The following FYCO1 variants were observed in gnomAD, a reference collection of about 807,000 sequenced individuals.
FYCO1 encodes FYVE and coiled-coil domain autophagy adaptor 1.
FYCO1 carries 122 observed loss-of-function variants against 165.1 expected under a neutral mutation model. That is an observed-to-expected ratio of 0.74 (90% confidence interval 0.64 to 0.86). The LOEUF (loss-of-function observed/expected upper bound fraction) is 0.86, where lower values mean the gene tolerates loss of function less well. Ranked by LOEUF, FYCO1 falls within the 40% of genes least tolerant of loss-of-function variation. FYCO1 has a pLI of 0.00. For synonymous variants in FYCO1, 648 were observed against 742.5 expected (o/e 0.87, Z 2.07); for missense variants, 1,702 against 1,810.3 (o/e 0.94, Z 1.09).
chr3:45,921,746 A>G lies in FYCO1; in HGVS notation c.*19T>C. On this transcript the variant is annotated 3_prime_UTR_variant, in exon 18 of 18. Transcript: ENST00000296137. ...GCAGTGTTTCCTGTGGATGAAGTGA[A>G]GTTACTGAGGTGCTGAAGCTACAGG... is the stretch of plus-strand genomic sequence containing the variant. 1.3e-6 allele frequency: 2 copies of G among 1,521,676 alleles called. No individual in the cohort carries two copies. Among genetic ancestry groups the G allele is most frequent in the Non-Finnish European group, 1.8e-6 (2 of 1,095,504 alleles). The allele number at this position is 1,521,676 out of a possible 1,614,324, so 94.3% of individuals were successfully genotyped here. A position where few individuals can be genotyped will look rare whatever the true frequency, so the allele number is the denominator to read the frequency against.
intron 11 of FYCO1, among the ~76,000 whole-genome samples, chr3:45,960,201 T>C (rs867560611): frequency 6.6e-6 from 1 of 152,194 alleles, no homozygotes; most frequent in South Asian, 2.1e-4. Context: ...CTAATGAGCA[T>C]GTTCAGGCTT....
At chr3:45,928,861 G>A (rs577639351) in intron 16 of FYCO1, among the ~76,000 whole-genome samples, 5 of 152,216 alleles carry the variant, frequency 3.3e-5, no homozygotes, top group African/African-American at 9.6e-5. Flanking sequence ...GCTCCTCAAC[G>A]GGAGATCCCA....
intron 14 of FYCO1, among the ~76,000 whole-genome samples, chr3:45,951,017 T>C (rs958418052): frequency 6.6e-6 from 1 of 152,166 alleles, no homozygotes; most frequent in African/African-American, 2.4e-5. Context: ...CTGAAGCAAT[T>C]ACTGGTAAAG....
At chr3:45,981,954 G>C (rs1559467175) in intron 2 of FYCO1, among the ~76,000 whole-genome samples, 1 of 152,210 alleles carries the variant, frequency 6.6e-6, no homozygotes, top group African/African-American at 2.4e-5. Context: ...GCATATAGTA[G>C]CTGGACAACA....
At chr3:45,927,176 C>T (rs62245106) in intron 16 of FYCO1, among the ~76,000 whole-genome samples, 22,409 of 152,118 alleles carry the variant, frequency 0.15, 2,081 homozygotes, top group East Asian at 0.28. Context: ...GTTTTTAGCT[C>T]ATCAGCTATC....
chr3:45,976,072 G>A (rs895619053), intron 4 of FYCO1, among the ~76,000 whole-genome samples: 2 of 152,174 alleles, frequency 1.3e-5, no homozygotes, highest in East Asian at 1.9e-4. Flanking sequence ...GTGAGACCAG[G>A]GGTGTCTCTA....
At chr3:45,984,814 T>C in intron 2 of FYCO1, 42 bp downstream of exon 2, 1 of 1,608,156 alleles carries the variant, frequency 6.2e-7, no homozygotes. Flanking sequence ...CTGCCACAAG[T>C]CCCTCAAAAC....
chr3:45,964,530 C>T lies in FYCO1; in HGVS notation c.3151-76G>A. 6.3e-7 allele frequency: 1 copy of T among 1,597,226 alleles called. No individual in the cohort carries two copies. The highest frequency in any genetic ancestry group is 1.1e-5 in the South Asian group (1 of 88,932). On this transcript the variant is annotated intron_variant, in intron 9 of 17. Transcript: ENST00000296137. The surrounding 1 kb of genome is among the most constrained non-coding windows in gnomAD (Gnocchi z 4.1). ...ACGTACCATAAAGTGGCTGGTGTGC[C>T]ATCCACCCCATCTGGCTGGGTCACT...
chr3:45,979,285 T>C (rs1433117379), intron 4 of FYCO1, among the ~76,000 whole-genome samples: 1 of 152,236 alleles, frequency 6.6e-6, no homozygotes, highest in East Asian at 1.9e-4. Flanking sequence ...ATCATTCTTA[T>C]TTCAAATCTA....
rs750411303 is a variant in FYCO1 at position 45,968,141 on chromosome 3, T to C, written c.1193A>G (p.Gln398Arg). Residue 398 changes from glutamine to arginine, a missense_variant, in exon 8 of 18, where the codon CAG becomes CGG. By Grantham distance (43) the Gln-to-Arg change is conservative. Transcript: ENST00000296137. ...CTTCTCCCCTAGCTCCTGCATCTCC[T>C]GGGCCGCATCACTGGGAATAGGTTC... ...RQEPIPSDAA[Q>R]EMQELGEKLQ... The C allele has an allele frequency of 6.2e-7, 1 of 1,614,190 alleles. No homozygotes were observed. Among genetic ancestry groups the C allele is most frequent in the Non-Finnish European group, 8.5e-7 (1 of 1,180,040 alleles).
rs562630799 is a variant in FYCO1, at chr3:45,920,878, T to A, written c.*887A>T. ...TATTTATATAAACAAAAGTGGGCCA[T>A]CAGCTGAGGAGTAGCTCTAAAGCCA... On this transcript the variant is annotated 3_prime_UTR_variant, in exon 18 of 18. Transcript: ENST00000296137. 1.3e-5 allele frequency: 2 copies of A among 152,756 alleles called. No individual in the cohort carries two copies. The highest frequency in any genetic ancestry group is 1.3e-4 in the Admixed American group (2 of 15,300). The allele number at this position is 152,756 out of a possible 1,614,324, so 9.5% of individuals were successfully genotyped here. A position where few individuals can be genotyped will look rare whatever the true frequency, so the allele number is the denominator to read the frequency against.
At chr3:45,969,650 T>C (rs1387566138) in intron 7 of FYCO1, 25 bp downstream of exon 7, 1 of 1,589,524 alleles carries the variant, frequency 6.3e-7, no homozygotes, top group East Asian at 2.2e-5. Context: ...TATAGGAAGA[T>C]AATTCCCAGC....
Position 45,962,231 on chromosome 3 carries a change from A to G in FYCO1, c.3431T>C (p.Leu1144Pro). The G allele has an allele frequency of 6.2e-7, 1 of 1,614,152 alleles. No individual in the cohort carries two copies. The highest frequency in any genetic ancestry group is 8.5e-7 in the Non-Finnish European group (1 of 1,179,970). The change falls in exon 11 of 18, where the codon CTG becomes CCG. Residue 1144 changes from leucine (L) to proline (P), a missense_variant. Coordinates refer to ENST00000296137, the MANE Select transcript of FYCO1 (RefSeq NM_024513.4). The surrounding 1 kb of genome is among the most constrained non-coding windows in gnomAD (Gnocchi z 4.4). ...KKYLEERLIE[L>P]LRDKDALWQK... Reference sequence around the variant, plus strand: ...GGTTTGACACAGCACTCACCTGAGCAGCTCTATCAGCCGCTCCTCGAGATA... The same window carrying G: ...GGTTTGACACAGCACTCACCTGAGCGGCTCTATCAGCCGCTCCTCGAGATA...
At chr3:45,924,481 G>T (rs777053890) in intron 16 of FYCO1, among the ~76,000 whole-genome samples, 1 of 152,206 alleles carries the variant, frequency 6.6e-6, no homozygotes, top group East Asian at 1.9e-4. Context: ...CCAGGGCTCA[G>T]AGGGAGGTCT....
chr3:45,965,139 G>GAAAGAGAGAGGACAAC lies in FYCO1; in HGVS notation c.3058-15_3058-14insGTTGTCCTCTCTCTTT, dbSNP rs1334808566. 3 of 1,605,282 alleles carry GAAAGAGAGAGGACAAC rather than the reference G, an allele frequency of 1.9e-6. No individual in the cohort carries two copies. Among genetic ancestry groups the GAAAGAGAGAGGACAAC allele is most frequent in the Admixed American group, 3.3e-5 (2 of 59,990 alleles). On this transcript the variant is annotated splice_polypyrimidine_tract_variant and intron_variant, in intron 8 of 17. Transcript: ENST00000296137. The stretch of plus-strand genomic sequence containing the variant: ...TTCACCAGCATTCTAGAGAGGACAA[G>GAAAGAGAGAGGACAAC]AAAGAAAGAGGACATAAAAGTAGGG...
intron 14 of FYCO1, chr3:45,946,726 G>A: frequency 6.2e-7 from 1 of 1,614,226 alleles, no homozygotes; most frequent in Non-Finnish European, 8.5e-7. Flanking sequence ...GTGTTTGTCT[G>A]CACTCTGCCC....
chr3:45,929,931 A>G (rs1034481157), intron 16 of FYCO1, among the ~76,000 whole-genome samples: 14 of 152,130 alleles, frequency 9.2e-5, no homozygotes, highest in Non-Finnish European at 1.8e-4. Flanking sequence ...GTGTGGCCCA[A>G]TGTGTCTCCT....
intron 13 of FYCO1, among the ~76,000 whole-genome samples, chr3:45,956,337 AAAATAAATAAATAAAT>A (rs56249293): frequency 1.3e-4 from 19 of 149,280 alleles, no homozygotes; most frequent in African/African-American, 2.5e-4. Context: ...CTTAGTCTCA[AAAATAAATAAATAAAT>A]AAATAAATAA....
intron 14 of FYCO1, chr3:45,948,404 C>CA (rs1265374974): frequency 6.3e-6 from 1 of 157,504 alleles, no homozygotes; most frequent in African/African-American, 2.4e-5. Flanking sequence ...CTGGAATATA[C>CA]AAAAAAGTTA....
Sources: gnomAD v4.1 joint callset for allele counts (sites outside exome capture counted in the v4.1 genomes callset) on GRCh38, gnomAD v4.1.1 for gene constraint, Gnocchi (gnomAD v3.1) non-coding constraint, MANE v1.5 for transcripts, NCBI Gene and HGNC (gene_info 2026-07-23, HGNC 2026-07-21) for gene names.